ALOX12: variants seen among roughly 807,000 people sequenced by gnomAD.
ALOX12 encodes the protein arachidonate 12-lipoxygenase, 12S type.
A neutral mutation model predicts 85.5 loss-of-function variants in ALOX12; 62 were observed. The observed-to-expected ratio is 0.73, with a 90% CI of 0.59 to 0.90. The LOEUF (loss-of-function observed/expected upper bound fraction) is 0.90. Ranked by LOEUF, ALOX12 falls within the 40% of genes least tolerant of loss-of-function variation. ALOX12 has a pLI of 0.00. For missense variants in ALOX12, 751 were observed against 856.5 expected, an observed-to-expected ratio of 0.88 and a Z score of 1.54; for synonymous variants, 299 against 332.7, an observed-to-expected ratio of 0.90 and a Z score of 1.10.
rs774053234 is a variant in ALOX12, at chr17:6,998,975, C to A, written c.565C>A (p.Arg189Ser). 1 of 1,614,106 alleles carries A rather than the reference C, an allele frequency of 6.2e-7. No homozygotes were observed. Among genetic ancestry groups the A allele is most frequent in the Non-Finnish European group, 8.5e-7 (1 of 1,180,008 alleles). ...TAGGGCTCTGGAGATGGCCCTCAAA[C>A]GTGTTTACACCCTCCTGAGCTCCTG... ...KAGALEMALKRVYTLLSSWNC... is the reference protein window; with the variant it reads ...KAGALEMALKSVYTLLSSWNC... The change falls in exon 5 of 14, where the codon CGT becomes AGT. Residue 189 changes from arginine to serine, a missense_variant. Arg to Ser is a moderately radical substitution (Grantham distance 110). Coordinates refer to ENST00000251535, the MANE Select transcript of ALOX12 (RefSeq NM_000697.3).
intron 10 of ALOX12, 99 bp downstream of exon 10, chr17:7,006,126 A>C: frequency 2.0e-6 from 2 of 983,628 alleles, no homozygotes; most frequent in Non-Finnish European, 3.0e-6. Flanking sequence ...AGAAAGGAGA[A>C]GCAGAGAACT....
rs1489266908 is a variant in ALOX12, at chr17:6,997,036, G to A, written c.337+9G>A. 2.6e-6 allele frequency: 4 copies of A among 1,529,540 alleles called. No homozygotes were observed. Among genetic ancestry groups the A allele is most frequent in the Admixed American group, 4.0e-5 (2 of 50,574 alleles). 94.7% of individuals were successfully genotyped at this position (1,529,540 alleles called of 1,614,324 possible). A position where few individuals can be genotyped will look rare whatever the true frequency, so the allele number is the denominator to read the frequency against. On this transcript the variant is annotated intron_variant, in intron 2 of 13. Coordinates refer to ENST00000251535, the MANE Select transcript of ALOX12 (RefSeq NM_000697.3). The stretch of plus-strand genomic sequence containing the variant: ...CCTGCCCGAGGGCACCGGTGAGCAG[G>A]CGGCGTCGGGGAAGGAGGCACAAGG...
intron 11 of ALOX12, 104 bp downstream of exon 11, chr17:7,006,711 TC>T: frequency 7.1e-7 from 1 of 1,407,976 alleles, no homozygotes; most frequent in Non-Finnish European, 9.5e-7. Context: ...TCATCACGCC[TC>T]CCTTCCTCCC....
intron 9 of ALOX12, 104 bp downstream of exon 9, chr17:7,005,447 A>C: frequency 1.2e-6 from 1 of 812,394 alleles, no homozygotes. Flanking sequence ...CTCTTAACCT[A>C]TGAACCTGTC....
intron 8 of ALOX12, among the ~76,000 whole-genome samples, chr17:7,004,034 A>C (rs538085967): frequency 6.8e-6 from 1 of 147,966 alleles, no homozygotes; most frequent in African/African-American, 2.5e-5. Flanking sequence ...TTAATAGCTA[A>C]GGAAAATATT....
rs757723623 is a variant in ALOX12 at position 6,999,370 on chromosome 17, C to A, written c.711C>A (p.Asn237Lys). 2 of 1,614,196 alleles carry A rather than the reference C, an allele frequency of 1.2e-6. No homozygotes were observed. Among genetic ancestry groups the A allele is most frequent in the Admixed American group, 1.7e-5 (1 of 60,026 alleles). ...LFSYQFLNGA[N>K]PMLLRRSTSL... ...GCTACCAGTTCCTCAATGGTGCCAA[C>A]CCCATGCTGTTGAGACGCTCGACCT... The change falls in exon 6 of 14, where the codon AAC becomes AAA. Residue 237 changes from asparagine to lysine, a missense_variant. By Grantham distance (94) the Asn-to-Lys change is moderately conservative. Transcript: ENST00000251535.
rs1481900274 is a variant in ALOX12, at chr17:6,998,902, G to T, written c.543-51G>T. On this transcript the variant is annotated intron_variant, in intron 4 of 13. Coordinates refer to ENST00000251535, the MANE Select transcript of ALOX12 (RefSeq NM_000697.3). ...GGAGGGCCAAGAATGATGATAGACG[G>T]TGAGGGACTGAGGGATCAGCTGATG... 4 of 1,613,968 alleles carry T rather than the reference G, an allele frequency of 2.5e-6. No homozygotes were observed. The African/African-American group carries it at 5.3e-5, about 22-fold the overall frequency.
chr17:7,004,077 T>A (rs368043953), intron 8 of ALOX12, among the ~76,000 whole-genome samples: 2,633 of 107,788 alleles, frequency 0.024, 47 homozygotes, highest in African/African-American at 0.045. Context: ...TTTTAATTTA[T>A]TAAAATTAAA....
In ALOX12 at chr17:6,997,041, GT is replaced by G. The variant is rs1908480465; in HGVS notation, c.337+15del. On this transcript the variant is annotated intron_variant, in intron 2 of 13. Coordinates refer to ENST00000251535, the MANE Select transcript of ALOX12 (RefSeq NM_000697.3). ...CCGAGGGCACCGGTGAGCAGGCGGC[GT>G]CGGGGAAGGAGGCACAAGGTCTCGG... 1 of 1,527,730 alleles carries G rather than the reference GT, an allele frequency of 6.5e-7. No homozygotes were observed. 94.6% of individuals were successfully genotyped at this position (1,527,730 alleles called of 1,614,324 possible).
rs143539715 is a variant in ALOX12 at position 7,005,300 on chromosome 17, G to A, written c.1205G>A (p.Arg402Gln). ...CGCTACACCATGGAAATCAACACCC[G>A]GGCCCGGACCCAACTCATCTCAGAT... The part of the protein sequence containing the change: ...HIRYTMEINT[R>Q]ARTQLISDGG... The change falls in exon 9 of 14, where the codon CGG becomes CAG. Residue 402 changes from arginine (R) to glutamine (Q), a missense_variant. Coordinates refer to ENST00000251535, the MANE Select transcript of ALOX12 (RefSeq NM_000697.3). The A allele has an allele frequency of 5.6e-5, 90 of 1,613,624 alleles. No individual in the cohort carries two copies. The Admixed American group carries it at 6.3e-4, about 11-fold the overall frequency.
rs538883876 is a variant in ALOX12, at chr17:7,010,437, T to C, written c.*14T>C. The C allele has an allele frequency of 6.2e-7, 1 of 1,604,904 alleles. No individual in the cohort carries two copies. The highest frequency in any genetic ancestry group is 1.1e-5 in the South Asian group (1 of 89,942). On this transcript the variant is annotated 3_prime_UTR_variant, in exon 14 of 14. Coordinates refer to ENST00000251535, the MANE Select transcript of ALOX12 (RefSeq NM_000697.3). ...GTCACCATCTGAGCCCTAGAGTGAC[T>C]CTACCTGCAAGATTTCACATCAGCT... is the stretch of plus-strand genomic sequence containing the variant.
rs1371636142 is a variant in ALOX12 at position 6,996,203 on chromosome 17, C to A, written c.86C>A (p.Thr29Lys). ...CGCGTGCAGCTTTGGCTGGTCGGGA[C>A]GCGCGGGGAGGCGGAGCTGGAGCTG... Reference protein sequence around the residue: ...YNRVQLWLVGTRGEAELELQL... With the variant: ...YNRVQLWLVGKRGEAELELQL... Residue 29 changes from threonine (T) to lysine (K), a missense_variant, in exon 1 of 14, where the codon ACG becomes AAG. Transcript: ENST00000251535. The A allele has an allele frequency of 1.6e-6, 2 of 1,251,556 alleles. No homozygotes were observed. The highest frequency in any genetic ancestry group is 6.3e-5 in the East Asian group (2 of 31,774). The allele number at this position is 1,251,556 out of a possible 1,614,324, so 77.5% of individuals were successfully genotyped here. A position where few individuals can be genotyped will look rare whatever the true frequency, so the allele number is the denominator to read the frequency against.
Position 6,999,049 on chromosome 17 carries a change from C to G in ALOX12, c.639C>G (p.Ala213=). ...AGATCTTCTGGGGCCAGAAGAGTGC[C>G]CTGGCTGGTCAGTGGTTCCCCGAGG... The part of the protein sequence containing the change: ...FDQIFWGQKS[A]LAEKVRQCWQ... The change falls in exon 5 of 14, where the codon GCC becomes GCG. Residue 213 remains alanine (A), a synonymous_variant. Coordinates refer to ENST00000251535, the MANE Select transcript of ALOX12 (RefSeq NM_000697.3). 1 of 1,613,612 alleles carries G rather than the reference C, an allele frequency of 6.2e-7. No homozygotes were observed. The highest frequency in any genetic ancestry group is 1.1e-5 in the South Asian group (1 of 91,050).
rs1204674686 is a variant in ALOX12, at chr17:7,010,133, G to C, written c.1812+7G>C. 6.2e-7 allele frequency: 1 copy of C among 1,607,552 alleles called. No homozygotes were observed. Among genetic ancestry groups the C allele is most frequent in the Non-Finnish European group, 8.5e-7 (1 of 1,175,830 alleles). ...TCGCCGCCAGCCAGACATGGTGAGA[G>C]GGGACTCTCGGGAGAGGGAAATGAC... On this transcript the variant is annotated splice_region_variant and intron_variant, in intron 13 of 13. Transcript: ENST00000251535.
rs747968304 is a variant in ALOX12, at chr17:7,010,054, A to G, written c.1740A>G (p.Ser580=). The G allele has an allele frequency of 8.1e-6, 13 of 1,614,112 alleles. No individual in the cohort carries two copies. The East Asian group carries it at 2.7e-4, about 33-fold the overall frequency. The part of the protein sequence containing the change: ...EDVTMATVMG[S]LPDVRQACLQ... ...TGACGATGGCCACAGTGATGGGGTC[A>G]CTACCTGATGTCCGGCAGGCCTGTC... Residue 580 remains serine, a synonymous_variant, in exon 13 of 14, where the codon TCA becomes TCG. Transcript: ENST00000251535.
intron 7 of ALOX12, chr17:7,001,337 G>A: frequency 3.9e-6 from 2 of 508,964 alleles, no homozygotes; most frequent in South Asian, 4.7e-5. Flanking sequence ...ACCACCATCT[G>A]AGCGCCGACC....
chr17:7,006,179 G>A, intron 10 of ALOX12, 152 bp downstream of exon 10: 1 of 778,708 alleles, frequency 1.3e-6, no homozygotes. Context: ...CACAGTGGGT[G>A]GCTCTGAAAA....
At chr17:7,009,581 C>CT in intron 11 of ALOX12, 166 bp from the exon 12 acceptor site, 1 of 630,986 alleles carries the variant, frequency 1.6e-6, no homozygotes, top group Non-Finnish European at 2.8e-6. Context: ...CCTATGGTAA[C>CT]TAAGTGTAAG....
At chr17:6,998,474 G>A (rs1597850276) in intron 2 of ALOX12, 35 bp from the exon 3 acceptor site, 5 of 1,457,220 alleles carry the variant, frequency 3.4e-6, no homozygotes, top group Non-Finnish European at 4.8e-6. Context: ...GGACCAGACA[G>A]AGCCGTGAGG....
Sources: gnomAD v4.1 joint callset for allele counts (sites outside exome capture counted in the v4.1 genomes callset) on GRCh38, gnomAD v4.1.1 for gene constraint, MANE v1.5 for transcripts, NCBI Gene and HGNC (gene_info 2026-07-23, HGNC 2026-07-21) for gene names.